ASIC2: variants seen among roughly 807,000 people sequenced by gnomAD.
ASIC2 encodes the protein acid sensing ion channel subunit 2.
Under a neutral mutation model 57.3 loss-of-function variants are expected in ASIC2, and 25 were observed. That is an observed-to-expected ratio of 0.44 (90% CI 0.32 to 0.61). The LOEUF is 0.61. Ranked by LOEUF, ASIC2 falls within the 20% of genes least tolerant of loss-of-function variation. The pLI, the probability that ASIC2 is intolerant of heterozygous loss-of-function variation, is 0.06. For missense variants in ASIC2, 641 were observed against 738.1 expected, an observed-to-expected ratio of 0.87 and a Z score of 1.52; for synonymous variants, 319 against 307.5, an observed-to-expected ratio of 1.04 and a Z score of -0.39.
intron 1 of ASIC2, among the ~76,000 whole-genome samples, chr17:33,396,880 T>G (rs1381307440): frequency 6.6e-6 from 1 of 152,188 alleles, no homozygotes; most frequent in African/African-American, 2.4e-5. Context: ...CCTGGCTGAT[T>G]TGCGGCTCTC....
chr17:34,040,051 G>A (rs1597988591), intron 1 of ASIC2, among the ~76,000 whole-genome samples: 1 of 148,026 alleles, frequency 6.8e-6, no homozygotes, highest in Admixed American at 6.7e-5. Context: ...TCCACGAGAG[G>A]GCGGGCGGGG....
At chr17:33,763,068 C>A (rs114341523) in intron 1 of ASIC2, among the ~76,000 whole-genome samples, 68 of 152,232 alleles carry the variant, frequency 4.5e-4, no homozygotes, top group South Asian at 4.4e-3. Context: ...AAGTTAGAAC[C>A]AGTATCAGAT....
At chr17:33,465,379 T>C (rs1203797543) in intron 1 of ASIC2, among the ~76,000 whole-genome samples, 39 of 147,222 alleles carry the variant, frequency 2.6e-4, no homozygotes, top group African/African-American at 4.8e-4. Flanking sequence ...TTTCTTTTTT[T>C]TTTTTTTTTT....
intron 1 of ASIC2, among the ~76,000 whole-genome samples, chr17:33,997,746 C>A (rs1244212770): frequency 6.6e-6 from 1 of 151,284 alleles, no homozygotes; most frequent in Non-Finnish European, 1.5e-5. Flanking sequence ...GTATATGATC[C>A]TTCTGAGGTG....
chr17:33,750,403 C>T (rs1329545183), intron 1 of ASIC2, among the ~76,000 whole-genome samples: 18 of 152,276 alleles, frequency 1.2e-4, no homozygotes. Flanking sequence ...AGCTCATGTG[C>T]ACGATATTGT....
intron 1 of ASIC2, among the ~76,000 whole-genome samples, chr17:33,254,090 C>T (rs1269401276): frequency 6.6e-6 from 1 of 152,170 alleles, no homozygotes; most frequent in Non-Finnish European, 1.5e-5. Context: ...GTTTCATTAA[C>T]ATGCACTCTG....
At chr17:33,616,017 G>T (rs1905591952) in intron 1 of ASIC2, among the ~76,000 whole-genome samples, 1 of 152,134 alleles carries the variant, frequency 6.6e-6, no homozygotes, top group East Asian at 1.9e-4. Context: ...TTAAATCATG[G>T]CCTTTGACCA....
intron 1 of ASIC2, among the ~76,000 whole-genome samples, chr17:33,229,501 T>C (rs1186502956): frequency 6.6e-6 from 1 of 152,176 alleles, no homozygotes. Flanking sequence ...GAGGACGCTC[T>C]TGGGCAACAT....
intron 1 of ASIC2, among the ~76,000 whole-genome samples, chr17:33,158,275 T>TTGAATGAA (rs3082795): frequency 3.4e-4 from 51 of 151,440 alleles, no homozygotes; most frequent in South Asian, 4.2e-4. Context: ...TCAGCAATAC[T>TTGAATGAA]TGAATGAATG....
At chr17:33,199,721 G>A (rs1880433116) in intron 1 of ASIC2, among the ~76,000 whole-genome samples, 1 of 152,116 alleles carries the variant, frequency 6.6e-6, no homozygotes, top group African/African-American at 2.4e-5. Context: ...CTCAGAAATC[G>A]ATGGGCTCCT....
chr17:33,367,738 G>A (rs1908872327), intron 1 of ASIC2, among the ~76,000 whole-genome samples: 1 of 152,154 alleles, frequency 6.6e-6, no homozygotes, highest in African/African-American at 2.4e-5. Flanking sequence ...AGATAAGACT[G>A]CCACCATTGT....
intron 1 of ASIC2, among the ~76,000 whole-genome samples, chr17:33,169,793 T>C (rs112832891): frequency 0.023 from 3,452 of 152,310 alleles, 126 homozygotes; most frequent in African/African-American, 0.079. Flanking sequence ...CGTCTATGAA[T>C]GTGCCTCTCA....
At chr17:33,689,666 AC>A (rs1908304958) in intron 1 of ASIC2, among the ~76,000 whole-genome samples, 1 of 152,198 alleles carries the variant, frequency 6.6e-6, no homozygotes, top group Admixed American at 6.5e-5. Flanking sequence ...AGTATATATT[AC>A]CTTATTTGGA....
At chr17:33,080,479 C>T (rs185992708) in intron 3 of ASIC2, among the ~76,000 whole-genome samples, 99 of 152,168 alleles carry the variant, frequency 6.5e-4, no homozygotes, top group Non-Finnish European at 1.1e-3. Flanking sequence ...GGATACGTTC[C>T]AAGACCACCA....
At chr17:33,275,094 G>T (rs984211584) in intron 1 of ASIC2, among the ~76,000 whole-genome samples, 26 of 152,150 alleles carry the variant, frequency 1.7e-4, no homozygotes, top group African/African-American at 6.0e-4. Flanking sequence ...ACCTGGGCTG[G>T]TCTACACACT....
chr17:33,402,522 G>A (rs1567849477), intron 1 of ASIC2, among the ~76,000 whole-genome samples: 2 of 152,122 alleles, frequency 1.3e-5, no homozygotes, highest in African/African-American at 2.4e-5. Flanking sequence ...TTCACTTAAA[G>A]TGAGAATATG....
intron 2 of ASIC2, among the ~76,000 whole-genome samples, chr17:33,096,439 A>G (rs1424844203): frequency 1.3e-5 from 2 of 152,240 alleles, no homozygotes; most frequent in African/African-American, 4.8e-5. Context: ...ACATCTTCCC[A>G]GAATGAAAAA....
chr17:33,465,118 C>A (rs1000836447), intron 1 of ASIC2, among the ~76,000 whole-genome samples: 5 of 152,138 alleles, frequency 3.3e-5, no homozygotes, highest in African/African-American at 1.2e-4. Context: ...AGGAAGCAGA[C>A]TGTTAAGAAA....
At chr17:33,290,473 C>T (rs562333049) in intron 1 of ASIC2, among the ~76,000 whole-genome samples, 15 of 152,360 alleles carry the variant, frequency 9.8e-5, no homozygotes, top group Admixed American at 1.3e-4. Flanking sequence ...ACCAGAACTC[C>T]TCCAAGGCAG....
Sources: allele counts gnomAD v4.1 joint callset (sites outside exome capture counted in the v4.1 genomes callset), GRCh38; gene constraint gnomAD v4.1.1; transcripts MANE v1.5; gene names NCBI Gene and HGNC (gene_info 2026-07-23, HGNC 2026-07-21).